The following GBP7 variants were observed in gnomAD, a reference collection of about 807,000 sequenced individuals.
GBP7 encodes guanylate-binding protein 7.
GBP7 carries 43 observed loss-of-function variants against 61.3 expected under a neutral mutation model. That is an observed-to-expected ratio of 0.70 (90% CI 0.55 to 0.91). The LOEUF is 0.91. Ranked by LOEUF, GBP7 falls within the 40% of genes least tolerant of loss-of-function variation. GBP7 has a pLI of 0.00. For synonymous variants in GBP7, 267 were observed against 271.0 expected (o/e 0.99, Z 0.14); for missense variants, 717 against 740.5 (o/e 0.97, Z 0.37).
At chr1:89,151,255 T>G (rs1255656929) in intron 5 of GBP7, among the ~76,000 whole-genome samples, 1 of 152,212 alleles carries the variant, frequency 6.6e-6, no homozygotes, top group Non-Finnish European at 1.5e-5. Flanking sequence ...TCTGTTTCTA[T>G]GTATTTGACG....
At chr1:89,151,510 GT>G (rs756713620) in intron 5 of GBP7, among the ~76,000 whole-genome samples, 2 of 152,210 alleles carry the variant, frequency 1.3e-5, no homozygotes, top group Non-Finnish European at 2.9e-5. Context: ...GAGGGATTCT[GT>G]GACATATATC....
chr1:89,171,949 C>T lies in GBP7; in HGVS notation c.-14G>A. The T allele has an allele frequency of 1.2e-6, 2 of 1,603,802 alleles. No homozygotes were observed. The highest frequency in any genetic ancestry group is 1.3e-5 in the African/African-American group (1 of 74,750). ...CTCTGATGCCATGTTCAGGGCGTTC[C>T]TCTGTCTGCAAGGAAAAAATGAAAT... On this transcript the variant is annotated 5_prime_UTR_variant, in exon 2 of 11. Transcript: ENST00000294671.
chr1:89,139,808 A>T (rs1404161090), intron 9 of GBP7, among the ~76,000 whole-genome samples: 1 of 152,220 alleles, frequency 6.6e-6, no homozygotes, highest in Non-Finnish European at 1.5e-5. Context: ...GCTGGAGAGG[A>T]TGTGGAGAAA....
intron 4 of GBP7, 49 bp downstream of exon 4, chr1:89,152,619 A>C (rs1290300706): frequency 1.1e-5 from 17 of 1,567,476 alleles, no homozygotes; most frequent in Admixed American, 7.0e-5. Flanking sequence ...ATCAGTTTCC[A>C]TTCCCCTAAA....
intron 9 of GBP7, 56 bp downstream of exon 9, chr1:89,141,490 A>G (rs780315968): frequency 4.4e-5 from 65 of 1,464,576 alleles, no homozygotes; most frequent in Non-Finnish European, 5.9e-5. Flanking sequence ...CTGAACATCA[A>G]GAGAGTGTTG....
intron 10 of GBP7, 86 bp downstream of exon 10, chr1:89,133,172 C>A: frequency 1.1e-6 from 1 of 922,034 alleles, no homozygotes; most frequent in Non-Finnish European, 1.7e-6. Flanking sequence ...CTTCTGAAAT[C>A]TTGACTGAGC....
chr1:89,150,610 C>A, intron 5 of GBP7, 35 bp from the exon 6 acceptor site: 1 of 1,608,936 alleles, frequency 6.2e-7, no homozygotes. Flanking sequence ...TACTGAAGAA[C>A]AGGTTTTAAG....
intron 7 of GBP7, 146 bp downstream of exon 7, chr1:89,149,146 A>G (rs1682133566): frequency 1.7e-6 from 1 of 593,456 alleles, no homozygotes; most frequent in Non-Finnish European, 2.7e-6. Context: ...AAAATAAAAA[A>G]CTGTAGCCCA....
chr1:89,175,186 A>AATCCT (rs1647708316), intron 1 of GBP7, among the ~76,000 whole-genome samples: 1 of 152,214 alleles, frequency 6.6e-6, no homozygotes, highest in African/African-American at 2.4e-5. Context: ...TCCTATAATA[A>AATCCT]AGAGTGGTTT....
At chr1:89,142,490 A>G (rs899521154) in intron 8 of GBP7, among the ~76,000 whole-genome samples, 4 of 152,166 alleles carry the variant, frequency 2.6e-5, no homozygotes, top group African/African-American at 4.8e-5. Flanking sequence ...GTCTTAAGCA[A>G]TCCTCCTACC....
chr1:89,161,133 G>A (rs763171938), intron 3 of GBP7, among the ~76,000 whole-genome samples: 4 of 152,100 alleles, frequency 2.6e-5, no homozygotes, highest in Non-Finnish European at 5.9e-5. Context: ...TGGCTGCATA[G>A]TATTCCATAG....
rs1473520612 is a variant in GBP7 at position 89,132,254 on chromosome 1, A to G, written c.1812T>C (p.Phe604=). 1 of 1,613,998 alleles carries G rather than the reference A, an allele frequency of 6.2e-7. No individual in the cohort carries two copies. The highest frequency in any genetic ancestry group is 8.5e-7 in the Non-Finnish European group (1 of 1,179,930). Residue 604 remains phenylalanine (F), a synonymous_variant, in exon 11 of 11, where the codon TTT becomes TTC. Transcript: ENST00000294671. ...TAGCAGCCCCAGGTAGTGCTGCAAT[A>G]AATATACTGCCAGCCACATCAAGAA... ...SQILDVAGSI[F]IAALPGAAKL...
In GBP7 at chr1:89,134,320, C is replaced by T. The variant is rs377476730; in HGVS notation, c.1469-869G>A. Among the ~76,000 whole-genome samples, 56 of 152,344 alleles carry T rather than the reference C, an allele frequency of 3.7e-4. 6 individuals are homozygous for T. The highest frequency in any genetic ancestry group is 9.1e-4 in the Admixed American group (14 of 15,308). ...CTGTGCAGACCCTGTCAACCTGCCA[C>T]CACCAATGCACATGCACAGAACCTG... On this transcript the variant is annotated intron_variant, in intron 9 of 10. Transcript: ENST00000294671.
At chr1:89,143,107 C>G (rs1681990888) in intron 8 of GBP7, among the ~76,000 whole-genome samples, 1 of 152,124 alleles carries the variant, frequency 6.6e-6, no homozygotes, top group Non-Finnish European at 1.5e-5. Context: ...TAAAACCAAA[C>G]AGTTTTCCAA....
At chr1:89,139,694 C>G (rs976354720) in intron 9 of GBP7, among the ~76,000 whole-genome samples, 1 of 152,198 alleles carries the variant, frequency 6.6e-6, no homozygotes, top group Non-Finnish European at 1.5e-5. Flanking sequence ...TGAAAAAATG[C>G]TCATCATCAC....
At chr1:89,175,716 A>G (rs1446162304) in intron 1 of GBP7, among the ~76,000 whole-genome samples, 4 of 152,224 alleles carry the variant, frequency 2.6e-5, no homozygotes, top group South Asian at 2.1e-4. Context: ...TTCTCTGAAT[A>G]TCTGTTCCAC....
intron 9 of GBP7, among the ~76,000 whole-genome samples, chr1:89,136,094 A>G (rs1331838700): frequency 1.3e-5 from 2 of 152,212 alleles, no homozygotes; most frequent in African/African-American, 4.8e-5. Context: ...AAAAGTTTCA[A>G]TTCAACGAGA....
chr1:89,171,896 T>G lies in GBP7; in HGVS notation c.40A>C (p.Thr14Pro), dbSNP rs1325170810. The G allele has an allele frequency of 1.2e-6, 2 of 1,613,410 alleles. No individual in the cohort carries two copies. The highest frequency in any genetic ancestry group is 2.2e-5 in the South Asian group (2 of 91,022). ...EIHMPGPVCL[T>P]ENTKGHLVVN... ...ACCAGATGCCCTTTAGTGTTCTCAG[T>G]GAGGCACACTGGGCCTGGCATGTGG... Residue 14 changes from threonine to proline, a missense_variant, in exon 2 of 11, where the codon ACT (threonine) becomes CCT (proline). This residue lies in a region of GBP7 where 387 missense variants were observed against 385.2 expected (regional missense o/e 1.00). Coordinates refer to ENST00000294671, the MANE Select transcript of GBP7 (RefSeq NM_207398.3).
intron 8 of GBP7, among the ~76,000 whole-genome samples, chr1:89,146,118 G>A (rs540307553): frequency 7.2e-5 from 11 of 152,248 alleles, no homozygotes; most frequent in Admixed American, 6.5e-4. Context: ...TAACTGCATG[G>A]AACAGAATAG....
Sources: gnomAD v4.1 joint callset for allele counts (sites outside exome capture counted in the v4.1 genomes callset) on GRCh38, gnomAD v4.1.1 for gene constraint, gnomAD v4.1.1 regional missense constraint, MANE v1.5 for transcripts, NCBI Gene and HGNC (gene_info 2026-07-23, HGNC 2026-07-21) for gene names.